EBF2: variants seen among roughly 807,000 people sequenced by gnomAD.
The protein encoded by EBF2 is EBF transcription factor 2, also known as transcription factor COE2.
EBF2 carries 21 observed loss-of-function variants against 72.8 expected under a neutral mutation model. The ratio of observed to expected loss-of-function variants is 0.29; its 90% confidence interval spans 0.20 to 0.42. The LOEUF (loss-of-function observed/expected upper bound fraction) is 0.42. Among genes scored for constraint, EBF2 ranks in the 10% least tolerant of loss-of-function variants. The pLI is 1.00. For synonymous variants in EBF2, 299 were observed against 274.2 expected, an observed-to-expected ratio of 1.09 and a Z score of -0.89; for missense variants, 637 against 731.2, an observed-to-expected ratio of 0.87 and a Z score of 1.49.
rs184351615 is a variant in EBF2 at position 25,962,074 on chromosome 8, G to A, written c.552-53519C>T. Among the ~76,000 whole-genome samples the A allele has an allele frequency of 4.6e-4, 70 of 152,254 alleles. 1 individual carries two copies. The highest frequency in any genetic ancestry group is 3.7e-3 in the Admixed American group (57 of 15,292). On this transcript the variant is annotated intron_variant, in intron 6 of 15. Coordinates refer to ENST00000520164, the MANE Select transcript of EBF2 (RefSeq NM_022659.4). Reference sequence around the variant, plus strand: ...TTTAAACACAAATAACAAGGAGGGGGCCAGGGAGGAACGTGCATTCTGAAT... The same window carrying A: ...TTTAAACACAAATAACAAGGAGGGGACCAGGGAGGAACGTGCATTCTGAAT...
intron 10 of EBF2, among the ~76,000 whole-genome samples, chr8:25,884,987 T>A (rs1377290154): frequency 6.6e-6 from 1 of 152,188 alleles, no homozygotes; most frequent in East Asian, 1.9e-4. Context: ...CTATATTTTC[T>A]TGGTTTATAT....
chr8:25,943,796 A>AGG (rs1183205541), intron 6 of EBF2, among the ~76,000 whole-genome samples: 2 of 152,146 alleles, frequency 1.3e-5, no homozygotes, highest in Non-Finnish European at 2.9e-5. Context: ...ACACTATCAA[A>AGG]GGGGCTTACT....
intron 10 of EBF2, among the ~76,000 whole-genome samples, chr8:25,872,222 T>C (rs1451251457): frequency 6.6e-6 from 1 of 152,144 alleles, no homozygotes; most frequent in Non-Finnish European, 1.5e-5. Context: ...TCATTTATGC[T>C]CTTGACCAGC....
chr8:25,925,070 A>G (rs910987500), intron 6 of EBF2, among the ~76,000 whole-genome samples: 2 of 152,144 alleles, frequency 1.3e-5, no homozygotes, highest in Non-Finnish European at 2.9e-5. Context: ...CTGTTCTCAC[A>G]GCTCCCCAGC....
Position 26,033,102 on chromosome 8 carries a change from G to C in EBF2, c.534C>G (p.Asp178Glu). Residue 178 changes from aspartate (D) to glutamate (E), a missense_variant, in exon 6 of 16, where the codon GAC (aspartate) becomes GAG (glutamate). By Grantham distance (45) the Asp-to-Glu change is conservative. Transcript: ENST00000520164. ...CCCCCTACCTGTCAATTATGACTGG[G>C]TCCGATGGAGTCTCATTTCGGTTTC... ...SCGNRNETPS[D>E]PVIIDRFFLK... 1 of 1,614,152 alleles carries C rather than the reference G, an allele frequency of 6.2e-7. No homozygotes were observed.
chr8:26,022,230 T>A, intron 6 of EBF2, among the ~76,000 whole-genome samples: 1 of 152,206 alleles, frequency 6.6e-6, no homozygotes, highest in East Asian at 1.9e-4. Context: ...CCCAACTGAG[T>A]CTTTGGCCAG....
At chr8:25,898,103 A>G (rs9314314) in intron 7 of EBF2, among the ~76,000 whole-genome samples, 4,375 of 152,298 alleles carry the variant, frequency 0.029, 151 homozygotes, top group East Asian at 0.11. Flanking sequence ...AACACTAGAC[A>G]TAATCAGAAA....
chr8:25,899,276 G>A (rs1802910258), intron 7 of EBF2, among the ~76,000 whole-genome samples: 1 of 147,758 alleles, frequency 6.8e-6, no homozygotes, highest in African/African-American at 2.5e-5. Flanking sequence ...AGATAATTAT[G>A]ATTTCTTAAC....
At chr8:25,874,323 A>T (rs529119392) in intron 10 of EBF2, among the ~76,000 whole-genome samples, 21 of 152,254 alleles carry the variant, frequency 1.4e-4, no homozygotes, top group Non-Finnish European at 2.6e-4. Flanking sequence ...GTGTGTGGAA[A>T]AACCTCGGCC....
At chr8:25,884,215 C>T (rs1167806625) in intron 10 of EBF2, among the ~76,000 whole-genome samples, 1 of 152,152 alleles carries the variant, frequency 6.6e-6, no homozygotes, top group Non-Finnish European at 1.5e-5. Flanking sequence ...CAGGCTCCCT[C>T]CCACTTGTAA....
chr8:25,851,512 C>T (rs888377330), intron 14 of EBF2, among the ~76,000 whole-genome samples: 1 of 152,132 alleles, frequency 6.6e-6, no homozygotes, highest in Non-Finnish European at 1.5e-5. Flanking sequence ...AAGTACCCCA[C>T]CTCTTAATGT....
At chr8:25,916,806 G>A (rs1656982943) in intron 6 of EBF2, among the ~76,000 whole-genome samples, 1 of 152,056 alleles carries the variant, frequency 6.6e-6, no homozygotes, top group South Asian at 2.1e-4. Flanking sequence ...GCTTCTGACT[G>A]GCAACAGGCC....
intron 6 of EBF2, among the ~76,000 whole-genome samples, chr8:25,954,732 C>T (rs192166711): frequency 6.6e-5 from 10 of 152,268 alleles, no homozygotes; most frequent in African/African-American, 2.4e-4. Context: ...GAACTCTCAT[C>T]GACATCCCTC....
chr8:26,023,100 C>A (rs886363201), intron 6 of EBF2, among the ~76,000 whole-genome samples: 5 of 152,270 alleles, frequency 3.3e-5, no homozygotes, highest in Admixed American at 6.5e-5. Context: ...ATGCCACTCT[C>A]TTAGCTGGGT....
At chr8:25,853,668 T>C (rs904182257) in intron 14 of EBF2, among the ~76,000 whole-genome samples, 1 of 152,238 alleles carries the variant, frequency 6.6e-6, no homozygotes, top group African/African-American at 2.4e-5. Context: ...TAGTCACGAC[T>C]GTGCCAAAAA....
At chr8:25,933,485 G>A (rs1314904934) in intron 6 of EBF2, among the ~76,000 whole-genome samples, 1 of 152,156 alleles carries the variant, frequency 6.6e-6, no homozygotes, top group Non-Finnish European at 1.5e-5. Flanking sequence ...GCTGGTGGGA[G>A]TATAAATTAG....
intron 6 of EBF2, among the ~76,000 whole-genome samples, chr8:25,973,708 ACT>A (rs1804225365): frequency 6.6e-6 from 1 of 151,952 alleles, no homozygotes; most frequent in Non-Finnish European, 1.5e-5. Flanking sequence ...ACAGGGTCAC[ACT>A]CTGTTGCCCA....
intron 10 of EBF2, among the ~76,000 whole-genome samples, chr8:25,872,208 G>C (rs1802450269): frequency 6.6e-6 from 1 of 152,120 alleles, no homozygotes; most frequent in African/African-American, 2.4e-5. Context: ...CTGCAGGCTG[G>C]AGGTCATTTA....
chr8:25,889,695 C>A, intron 8 of EBF2, 57 bp downstream of exon 8: 1 of 1,390,042 alleles, frequency 7.2e-7, no homozygotes, highest in South Asian at 1.2e-5. Context: ...GAAGTTCGAA[C>A]AAGGAAATTC....
Sources: allele counts gnomAD v4.1 joint callset (sites outside exome capture counted in the v4.1 genomes callset), GRCh38; gene constraint gnomAD v4.1.1; transcripts MANE v1.5; gene names NCBI Gene and HGNC (gene_info 2026-07-23, HGNC 2026-07-21).